NRXN1: variants seen among roughly 807,000 people sequenced by gnomAD.
The protein encoded by NRXN1 is neurexin 1, also known as neurexin-1.
A neutral mutation model predicts 150.9 loss-of-function variants in NRXN1; 39 were observed. That is an observed-to-expected ratio of 0.26 (90% confidence interval 0.20 to 0.34). NRXN1 has a LOEUF of 0.34. Ranked by LOEUF, NRXN1 falls within the 10% of genes least tolerant of loss-of-function variation. The pLI is 1.00. For synonymous variants in NRXN1, 924 were observed against 757.0 expected, an observed-to-expected ratio of 1.22 and a Z score of -3.62; for missense variants, 1,815 against 1,949.9, an observed-to-expected ratio of 0.93 and a Z score of 1.30.
intron 2 of NRXN1, among the ~76,000 whole-genome samples, chr2:50,940,778 A>G (rs920645650): frequency 2.0e-5 from 3 of 152,182 alleles, no homozygotes; most frequent in African/African-American, 7.2e-5. Context: ...CCTGTATTAA[A>G]ATACAAGGGG....
At chr2:50,501,400 A>AGTGTGTGTGTGTGT (rs368765670) in intron 13 of NRXN1, among the ~76,000 whole-genome samples, 24,115 of 148,030 alleles carry the variant, frequency 0.16, 2,285 homozygotes, top group Admixed American at 0.22. Flanking sequence ...TGTGTGTGTG[A>AGTGTGTGTGTGTGT]GTGTGTGTGT....
At position 50,154,766 on chromosome 2, in the gene NRXN1, T is replaced by G. The variant is rs1574210289; in HGVS notation, c.3547-63272A>C. ...GTTTTGCAAAAACTTTTATGAAGAATTTTTCAAAAGAAAGTCATGGAAAAT... is the reference window on the plus strand; with the variant it reads ...GTTTTGCAAAAACTTTTATGAAGAAGTTTTCAAAAGAAAGTCATGGAAAAT... On this transcript the variant is annotated intron_variant, in intron 18 of 22. Transcript: ENST00000401669. 2.0e-5 allele frequency among the ~76,000 whole-genome samples: 3 copies of G among 151,808 alleles called. No individual in the cohort carries two copies. The South Asian group carries it at 6.2e-4, about 31-fold the overall frequency.
chr2:50,056,690 T>A lies in NRXN1; in HGVS notation c.3719-1646A>T, dbSNP rs73930996. ...TATATGCATATTTGGAATTTTTTTT[T>A]AATGTAATATTAGTTACTTTAGGAC... On this transcript the variant is annotated intron_variant, in intron 19 of 22. Coordinates refer to ENST00000401669, the MANE Select transcript of NRXN1 (RefSeq NM_001330078.2). Among the ~76,000 whole-genome samples the A allele has an allele frequency of 7.7e-3, 1,172 of 152,290 alleles. 16 individuals carry two copies. The highest frequency in any genetic ancestry group is 0.027 in the African/African-American group (1,115 of 41,572).
At chr2:49,931,934 T>G (rs1670196965) in intron 22 of NRXN1, among the ~76,000 whole-genome samples, 1 of 152,206 alleles carries the variant, frequency 6.6e-6, no homozygotes. Context: ...ATAATCTATC[T>G]TTACAAAATA....
intron 12 of NRXN1, among the ~76,000 whole-genome samples, chr2:50,520,472 A>G (rs1051055215): frequency 6.6e-6 from 1 of 151,916 alleles, no homozygotes; most frequent in Non-Finnish European, 1.5e-5. Flanking sequence ...AGAAAAAAAA[A>G]CTAAAAATTA....
At chr2:50,415,149 C>T (rs10188271) in intron 17 of NRXN1, among the ~76,000 whole-genome samples, 37,784 of 151,828 alleles carry the variant, frequency 0.25, 4,991 homozygotes, top group East Asian at 0.43. Context: ...AGTTTTAGTG[C>T]TTTTAAAATT....
Position 50,453,360 on chromosome 2 carries a change from G to A in NRXN1, c.3364+12082C>T, listed in dbSNP as rs939026297. 2.6e-5 allele frequency among the ~76,000 whole-genome samples: 4 copies of A among 152,118 alleles called. No individual in the cohort carries two copies. In the East Asian group the frequency reaches 5.8e-4, roughly 22 times the overall value. ...TGACAATGCTGATCCAGGTACCACC[G>A]TTTGGGAATGACTAATCTAGTCAAA... On this transcript the variant is annotated intron_variant, in intron 17 of 22. Coordinates refer to ENST00000401669, the MANE Select transcript of NRXN1 (RefSeq NM_001330078.2).
chr2:50,420,846 C>T (rs1401790378), intron 17 of NRXN1, among the ~76,000 whole-genome samples: 1 of 152,044 alleles, frequency 6.6e-6, no homozygotes, highest in South Asian at 2.1e-4. Flanking sequence ...CAGGAAAGGA[C>T]ACATGATAGT....
intron 5 of NRXN1, among the ~76,000 whole-genome samples, chr2:50,721,329 G>T (rs777954228): frequency 1.1e-4 from 17 of 152,170 alleles, no homozygotes; most frequent in Non-Finnish European, 2.4e-4. Context: ...TATAAAATCA[G>T]CTCTAGTTTG....
chr2:50,923,769 T>C (rs1206657956), intron 3 of NRXN1, among the ~76,000 whole-genome samples: 2 of 151,830 alleles, frequency 1.3e-5, no homozygotes, highest in East Asian at 3.9e-4. Context: ...TATTTGAAAC[T>C]TTATTTGAGC....
chr2:50,135,042 G>A (rs1706180261), intron 18 of NRXN1, among the ~76,000 whole-genome samples: 2 of 152,168 alleles, frequency 1.3e-5, no homozygotes, highest in African/African-American at 4.8e-5. Flanking sequence ...AGAATATTAT[G>A]CACCAGAATA....
At chr2:50,670,727 C>T (rs1012446651) in intron 5 of NRXN1, among the ~76,000 whole-genome samples, 2 of 151,892 alleles carry the variant, frequency 1.3e-5, no homozygotes, top group Non-Finnish European at 2.9e-5. Context: ...AACACTGACT[C>T]TTTTAAAGAG....
chr2:50,535,076 C>T (rs549464667), intron 10 of NRXN1, among the ~76,000 whole-genome samples: 25 of 152,128 alleles, frequency 1.6e-4, no homozygotes, highest in South Asian at 4.1e-4. Flanking sequence ...AAAGCCTAAA[C>T]GATTCCTCAC....
At chr2:50,769,875 G>A (rs145331814) in intron 5 of NRXN1, among the ~76,000 whole-genome samples, 9 of 152,170 alleles carry the variant, frequency 5.9e-5, no homozygotes, top group Non-Finnish European at 7.4e-5. Flanking sequence ...AGCATCAGGC[G>A]TAGAATTCAG....
chr2:50,626,164 T>C (rs1361625374), intron 5 of NRXN1, among the ~76,000 whole-genome samples: 1 of 151,874 alleles, frequency 6.6e-6, no homozygotes, highest in Non-Finnish European at 1.5e-5. Context: ...ATAAGAGACT[T>C]TGGAAAGAAT....
chr2:50,948,419 G>T (rs1690757309), intron 2 of NRXN1, among the ~76,000 whole-genome samples: 1 of 152,030 alleles, frequency 6.6e-6, no homozygotes, highest in East Asian at 1.9e-4. Context: ...AACAAAAGAA[G>T]CAATAAAAAA....
intron 17 of NRXN1, among the ~76,000 whole-genome samples, chr2:50,420,962 C>CTGTGTGTGTGTGTGTG (rs4032055): frequency 2.5e-5 from 3 of 119,940 alleles, no homozygotes; most frequent in Admixed American, 8.4e-5. Context: ...CAAAATAGAC[C>CTGTGTGTGTGTGTGTG]TGTGTGTGTG....
chr2:50,424,510 T>C (rs2084326621), intron 17 of NRXN1, among the ~76,000 whole-genome samples: 1 of 152,192 alleles, frequency 6.6e-6, no homozygotes, highest in South Asian at 2.1e-4. Flanking sequence ...AGAGAGAGTG[T>C]AAATGACAGG....
chr2:50,144,162 GA>G (rs1162101687), intron 18 of NRXN1, among the ~76,000 whole-genome samples: 1 of 151,854 alleles, frequency 6.6e-6, no homozygotes. Context: ...CTCAGCCCAG[GA>G]GACAGTTTTG....
Sources: gnomAD v4.1 joint callset for allele counts (sites outside exome capture counted in the v4.1 genomes callset) on GRCh38, gnomAD v4.1.1 for gene constraint, MANE v1.5 for transcripts, NCBI Gene and HGNC (gene_info 2026-07-23, HGNC 2026-07-21) for gene names.